The following NECTIN4 variants were observed in gnomAD, a reference collection of about 807,000 sequenced individuals.
NECTIN4 encodes the protein nectin-4.
In NECTIN4, 19 loss-of-function variants were observed where a neutral mutation model predicts 51.7. That is an observed-to-expected ratio of 0.37 (90% CI 0.26 to 0.54). The LOEUF (loss-of-function observed/expected upper bound fraction) is 0.54. Among genes scored for constraint, NECTIN4 ranks in the 20% least tolerant of loss-of-function variants. The pLI is 0.86. For missense variants in NECTIN4, 619 were observed against 662.4 expected (o/e 0.93, Z 0.72); for synonymous variants, 283 against 286.9 (o/e 0.99, Z 0.14).
At chr1:161,076,964 C>T (rs906657827) in intron 3 of NECTIN4, among the ~76,000 whole-genome samples, 15 of 149,616 alleles carry the variant, frequency 1.0e-4, no homozygotes, top group African/African-American at 2.5e-4. Context: ...ATTTACCAAG[C>T]GCCTTCCATG....
intron 2 of NECTIN4, 61 bp downstream of exon 2, chr1:161,079,529 C>T: frequency 6.3e-7 from 1 of 1,589,608 alleles, no homozygotes; most frequent in Admixed American, 1.7e-5. Context: ...TCTGCAGTCC[C>T]CATCTCTGCT....
Position 161,072,242 on chromosome 1 carries a change from G to T in NECTIN4, c.*419C>A. On this transcript the variant is annotated 3_prime_UTR_variant, in exon 9 of 9. Transcript: ENST00000368012. ...TCTGAGAAAATACCTGCTTTTTCAG[G>T]CAGAGGTCACACACAGCCACATGAC... 3.0e-6 allele frequency: 1 copy of T among 330,004 alleles called. No homozygotes were observed. The allele number at this position is 330,004 out of a possible 1,614,324, so 20.4% of individuals were successfully genotyped here.
At chr1:161,073,874 G>T in intron 6 of NECTIN4, 79 bp from the exon 7 acceptor site, 1 of 1,321,038 alleles carries the variant, frequency 7.6e-7, no homozygotes, top group Admixed American at 1.7e-5. Flanking sequence ...TGAGCCTAGT[G>T]AGACAGGCCC....
At chr1:161,088,670 C>T (rs1654054199) in intron 1 of NECTIN4, among the ~76,000 whole-genome samples, 1 of 152,098 alleles carries the variant, frequency 6.6e-6, no homozygotes, top group African/African-American at 2.4e-5. Context: ...CTATAGTCCC[C>T]AACAGGTGCC....
chr1:161,075,830 T>C (rs544858161), intron 4 of NECTIN4, among the ~76,000 whole-genome samples: 1 of 151,862 alleles, frequency 6.6e-6, no homozygotes, highest in Admixed American at 6.6e-5. Context: ...GTAATCACAG[T>C]ACTTTGGAAG....
At chr1:161,081,939 T>C (rs1271464115) in intron 1 of NECTIN4, among the ~76,000 whole-genome samples, 1 of 152,050 alleles carries the variant, frequency 6.6e-6, no homozygotes, top group African/African-American at 2.4e-5. Context: ...TCTGATTTAG[T>C]GCTCAGTGGT....
intron 2 of NECTIN4, among the ~76,000 whole-genome samples, chr1:161,078,290 GTATTTATT>G (rs61608821): frequency 2.0e-5 from 3 of 150,114 alleles, no homozygotes; most frequent in African/African-American, 4.9e-5. Context: ...TTTATTTTAT[GTATTTATT>G]TATTTATTTA....
chr1:161,078,967 G>A (rs891900266), intron 2 of NECTIN4, among the ~76,000 whole-genome samples: 10 of 152,064 alleles, frequency 6.6e-5, no homozygotes, highest in African/African-American at 2.4e-4. Flanking sequence ...AGCCGAGATC[G>A]CGCCAATGCA....
chr1:161,074,848 C>T (rs1224890977), intron 4 of NECTIN4, 89 bp from the exon 5 acceptor site: 7 of 1,408,942 alleles, frequency 5.0e-6, no homozygotes, highest in Non-Finnish European at 6.8e-6. Flanking sequence ...CACCCTCCAC[C>T]CCCATGACGT....
At position 161,077,590 on chromosome 1, in the gene NECTIN4, T is replaced by C; in HGVS notation, c.593A>G (p.His198Arg). ...KGTTSSRSFK[H>R]SRSAAVTSEF... Reference sequence around the variant, plus strand: ...TGAGGTGACGGCAGCAGAGCGGGAGTGCTTGAAGGAACGGCTGGACGTTGT... The same window carrying C: ...TGAGGTGACGGCAGCAGAGCGGGAGCGCTTGAAGGAACGGCTGGACGTTGT... Residue 198 changes from histidine (H) to arginine (R), a missense_variant, in exon 3 of 9, where the codon CAC (histidine) becomes CGC (arginine). This residue lies in a region of NECTIN4 where 364 missense variants were observed against 415.7 expected (regional missense o/e 0.88). Transcript: ENST00000368012. 1 of 1,613,514 alleles carries C rather than the reference T, an allele frequency of 6.2e-7. No individual in the cohort carries two copies. Among genetic ancestry groups the C allele is most frequent in the Admixed American group, 1.7e-5 (1 of 59,980 alleles).
At position 161,076,462 on chromosome 1, in the gene NECTIN4, G is replaced by A; in HGVS notation, c.744C>T (p.Ala248=). Residue 248 remains alanine (A), a synonymous_variant, in exon 4 of 9, where the codon GCC becomes GCT. Transcript: ENST00000368012. ...HILHVSFLAE[A]SVRGLEDQNL... ...TTTGGTCTTCAAGGCCCCTCACAGAGGCCTCAGCAAGGACTGGAATGGGAA... is the reference window on the plus strand; with the variant it reads ...TTTGGTCTTCAAGGCCCCTCACAGAAGCCTCAGCAAGGACTGGAATGGGAA... 6.2e-7 allele frequency: 1 copy of A among 1,614,054 alleles called. No homozygotes were observed. Among genetic ancestry groups the A allele is most frequent in the East Asian group, 2.2e-5 (1 of 44,880 alleles).
At chr1:161,082,221 C>T (rs1408515013) in intron 1 of NECTIN4, among the ~76,000 whole-genome samples, 1 of 151,960 alleles carries the variant, frequency 6.6e-6, no homozygotes, top group Non-Finnish European at 1.5e-5. Context: ...CCCAGCTACT[C>T]GGGAGGCTGA....
At position 161,074,686 on chromosome 1, in the gene NECTIN4, G is replaced by C. The variant is rs768082242; in HGVS notation, c.925C>G (p.His309Asp). The C allele has an allele frequency of 2.5e-6, 4 of 1,614,216 alleles. No homozygotes were observed. Among genetic ancestry groups the C allele is most frequent in the East Asian group, 4.5e-5 (2 of 44,886 alleles). Reference protein sequence around the residue: ...TLGFPPLTTEHSGIYVCHVSN... With the variant: ...TLGFPPLTTEDSGIYVCHVSN... Reference sequence around the variant, plus strand: ...ACATGGCAGACGTAGATGCCGCTGTGCTCAGTGGTCAGTGGGGGAAAGCCC... The same window carrying C: ...ACATGGCAGACGTAGATGCCGCTGTCCTCAGTGGTCAGTGGGGGAAAGCCC... The change falls in exon 5 of 9, where the codon CAC becomes GAC. Residue 309 changes from histidine (H) to aspartate (D), a missense_variant. Around this residue, in one of 3 missense-constraint regions of NECTIN4, gnomAD observed 364 missense variants for 415.7 expected, o/e 0.88. Transcript: ENST00000368012.
In NECTIN4 at chr1:161,089,460, C is replaced by T. The variant is rs754019530; in HGVS notation, c.-164G>A. ...GGGGACCCAGCCCCAGCCCCGGCCC[C>T]GTTCTACACACCCAGCCGTAGCTAC... is the stretch of plus-strand genomic sequence containing the variant. On this transcript the variant is annotated 5_prime_UTR_variant, in exon 1 of 9. Coordinates refer to ENST00000368012, the MANE Select transcript of NECTIN4 (RefSeq NM_030916.3). The surrounding 1 kb of genome is among the most constrained non-coding windows in gnomAD (Gnocchi z 4.1). The T allele has an allele frequency of 9.9e-4, 661 of 669,456 alleles. 5 individuals are homozygous for T. The highest frequency in any genetic ancestry group is 4.2e-3 in the South Asian group (261 of 61,416). 41.5% of individuals were successfully genotyped at this position (669,456 alleles called of 1,614,324 possible).
chr1:161,074,466 C>T (rs1653321726), intron 5 of NECTIN4, 93 bp from the exon 6 acceptor site: 12 of 1,594,552 alleles, frequency 7.5e-6, no homozygotes, highest in Non-Finnish European at 1.0e-5. Context: ...TAAAACCACA[C>T]CTCAGTTTGA....
At chr1:161,088,252 G>T (rs1654037724) in intron 1 of NECTIN4, among the ~76,000 whole-genome samples, 1 of 152,096 alleles carries the variant, frequency 6.6e-6, no homozygotes, top group Non-Finnish European at 1.5e-5. Flanking sequence ...AGGCTCCCTT[G>T]CTACTGCTCC....
chr1:161,077,533 T>C lies in NECTIN4; in HGVS notation c.650A>G (p.Asn217Ser). Residue 217 changes from asparagine (N) to serine (S), a missense_variant, in exon 3 of 9, where the codon AAT becomes AGT. Transcript: ENST00000368012. ...CACCACACAAGTCAGTGGCTGCCCA[T>C]TCATGCTGCGGCTAGGCACCAAGTG... The part of the protein sequence containing the change: ...EFHLVPSRSM[N>S]GQPLTCVVSH... The C allele has an allele frequency of 6.2e-7, 1 of 1,614,048 alleles. No individual in the cohort carries two copies. Among genetic ancestry groups the C allele is most frequent in the Non-Finnish European group, 8.5e-7 (1 of 1,180,034 alleles).
intron 1 of NECTIN4, among the ~76,000 whole-genome samples, chr1:161,080,353 A>G (rs972699552): frequency 6.6e-6 from 1 of 152,212 alleles, no homozygotes; most frequent in African/African-American, 2.4e-5. Context: ...AGAAACAGGG[A>G]AAGCCATGAA....
chr1:161,081,682 G>A (rs1482328884), intron 1 of NECTIN4, among the ~76,000 whole-genome samples: 2 of 152,070 alleles, frequency 1.3e-5, no homozygotes, highest in East Asian at 1.9e-4. Context: ...ACACCTTGTT[G>A]TTCCTCACCT....
Sources: gnomAD v4.1 joint callset for allele counts (sites outside exome capture counted in the v4.1 genomes callset) on GRCh38, gnomAD v4.1.1 for gene constraint, gnomAD v4.1.1 regional missense constraint, Gnocchi (gnomAD v3.1) non-coding constraint, MANE v1.5 for transcripts, NCBI Gene and HGNC (gene_info 2026-07-23, HGNC 2026-07-21) for gene names.